SUCLG2: variants seen among roughly 807,000 people sequenced by gnomAD.
The protein encoded by SUCLG2 is succinate-CoA ligase GDP-forming subunit beta.
SUCLG2 carries 42 observed loss-of-function variants against 47.9 expected under a neutral mutation model. That is an observed-to-expected ratio of 0.88 (90% CI 0.69 to 1.14). The LOEUF is 1.14. Ranked by LOEUF, SUCLG2 falls within the 50% of genes most tolerant of loss-of-function variation. The pLI, the probability that SUCLG2 is intolerant of heterozygous loss-of-function variation, is 0.00. For synonymous variants in SUCLG2, 195 were observed against 197.3 expected (o/e 0.99, Z 0.10); for missense variants, 571 against 525.9 (o/e 1.09, Z -0.84).
chr3:67,596,187 G>A (rs1559588555), intron 2 of SUCLG2, among the ~76,000 whole-genome samples: 1 of 152,120 alleles, frequency 6.6e-6, no homozygotes, highest in Non-Finnish European at 1.5e-5. Context: ...GTTGTCTATA[G>A]GATCTATCTC....
At chr3:67,623,759 A>T (rs1700776339) in intron 1 of SUCLG2, among the ~76,000 whole-genome samples, 1 of 152,184 alleles carries the variant, frequency 6.6e-6, no homozygotes, top group Admixed American at 6.5e-5. Flanking sequence ...GTTTTTCAAG[A>T]TCTCTACCTC....
intron 4 of SUCLG2, among the ~76,000 whole-genome samples, chr3:67,526,596 G>T (rs1226571620): frequency 6.6e-6 from 1 of 152,146 alleles, no homozygotes; most frequent in Admixed American, 6.5e-5. Flanking sequence ...CACATGAAAA[G>T]ATGTTCAACA....
chr3:67,520,832 A>G (rs1311016415), intron 4 of SUCLG2, among the ~76,000 whole-genome samples, 198 bp from the exon 5 acceptor site: 3 of 152,142 alleles, frequency 2.0e-5, no homozygotes, highest in Non-Finnish European at 4.4e-5. Flanking sequence ...TTTTGATCCC[A>G]TTAACTTGTT....
intron 9 of SUCLG2, among the ~76,000 whole-genome samples, chr3:67,477,099 C>T (rs182091108): frequency 5.8e-4 from 88 of 152,218 alleles, no homozygotes; most frequent in African/African-American, 1.9e-3. Context: ...CTCCCATATG[C>T]TCAGGGTTAT....
At position 67,495,340 on chromosome 3, in the gene SUCLG2, C is replaced by T. The variant is rs79474207; in HGVS notation, c.1062+458G>A. Among the ~76,000 whole-genome samples, 761 of 152,252 alleles carry T rather than the reference C, an allele frequency of 5.0e-3. 15 individuals are homozygous for T. The East Asian group carries it at 0.069, about 14-fold the overall frequency. ...TTACCCAAAACGAGTTAAATCATCA[C>T]GTATTCCAATGTGATATAAGACAGA... is the stretch of plus-strand genomic sequence containing the variant. On this transcript the variant is annotated intron_variant, in intron 9 of 10. Coordinates refer to ENST00000307227, the MANE Select transcript of SUCLG2 (RefSeq NM_003848.4).
intron 10 of SUCLG2, among the ~76,000 whole-genome samples, chr3:67,388,745 C>T (rs1443905567): frequency 6.6e-6 from 1 of 152,190 alleles, no homozygotes; most frequent in Non-Finnish European, 1.5e-5. Flanking sequence ...TGCTCACTTT[C>T]ATTGGCATAA....
intron 9 of SUCLG2, among the ~76,000 whole-genome samples, chr3:67,425,370 G>A (rs1221529481): frequency 6.6e-6 from 1 of 152,164 alleles, no homozygotes; most frequent in Non-Finnish European, 1.5e-5. Context: ...TGGAAAATGG[G>A]ATATCCGGAT....
intron 2 of SUCLG2, among the ~76,000 whole-genome samples, chr3:67,567,493 G>A (rs1422138991): frequency 1.3e-5 from 2 of 151,846 alleles, no homozygotes; most frequent in Non-Finnish European, 2.9e-5. Context: ...TGTCCAGGCT[G>A]GTCTCAAACT....
At chr3:67,408,782 T>C in intron 9 of SUCLG2, 1 of 1,353,228 alleles carries the variant, frequency 7.4e-7, no homozygotes, top group Non-Finnish European at 9.5e-7. Flanking sequence ...TATTATAACT[T>C]TCCCTGGTAA....
At chr3:67,409,062 T>C in intron 9 of SUCLG2, 2 of 1,531,192 alleles carry the variant, frequency 1.3e-6, no homozygotes, top group Non-Finnish European at 1.7e-6. Flanking sequence ...AGAGGTAAGA[T>C]ATCTTGTATA....
intron 2 of SUCLG2, among the ~76,000 whole-genome samples, chr3:67,576,928 T>TA (rs920388057): frequency 9.9e-5 from 15 of 151,960 alleles, no homozygotes; most frequent in Non-Finnish European, 4.4e-5. Context: ...TATTTTATTT[T>TA]TTTTTACAAA....
chr3:67,379,007 C>T (rs1251942348), intron 10 of SUCLG2, among the ~76,000 whole-genome samples: 6 of 152,092 alleles, frequency 3.9e-5, no homozygotes, highest in Non-Finnish European at 8.8e-5. Flanking sequence ...AGTGCAGTGG[C>T]GTGATCTCAG....
intron 9 of SUCLG2, among the ~76,000 whole-genome samples, chr3:67,487,009 A>G (rs1437761167): frequency 6.6e-6 from 1 of 152,198 alleles, no homozygotes; most frequent in Non-Finnish European, 1.5e-5. Context: ...GCAAATAATG[A>G]TCAACTATAC....
intron 1 of SUCLG2, among the ~76,000 whole-genome samples, chr3:67,645,762 G>A (rs1701178703): frequency 6.6e-6 from 1 of 151,576 alleles, no homozygotes; most frequent in South Asian, 2.1e-4. Flanking sequence ...TAAGCCCTCA[G>A]GCTGGAATGA....
rs992660346 is a variant in SUCLG2, at chr3:67,368,543, T to A, written c.1184-7775A>T. Among the ~76,000 whole-genome samples the A allele has an allele frequency of 5.9e-5, 9 of 152,256 alleles. 1 individual carries two copies. Among genetic ancestry groups the A allele is most frequent in the Admixed American group, 2.6e-4 (4 of 15,296 alleles). ...TTTATTTCCCCCTCTGCATTCATGG[T>A]GAATCATACAATCCACTATTTTATA... On this transcript the variant is annotated intron_variant, in intron 10 of 10. Transcript: ENST00000493112.
At chr3:67,488,665 C>A (rs1312190928) in intron 9 of SUCLG2, among the ~76,000 whole-genome samples, 1 of 152,176 alleles carries the variant, frequency 6.6e-6, no homozygotes, top group East Asian at 1.9e-4. Context: ...TTATTCCCGA[C>A]CATTATTGAT....
At position 67,528,240 on chromosome 3, in the gene SUCLG2, C is replaced by G. The variant is rs62256401; in HGVS notation, c.327-18G>C. On this transcript the variant is annotated intron_variant, in intron 3 of 10. Transcript: ENST00000307227. ...CATTAGGGCTAAGAGAAAGAGAAAA[C>G]AAGCAGAAAATGAATGTTTGTTGAA... The G allele has an allele frequency of 6.2e-7, 1 of 1,607,534 alleles. No homozygotes were observed. The highest frequency in any genetic ancestry group is 8.5e-7 in the Non-Finnish European group (1 of 1,174,414).
At chr3:67,540,705 C>A (rs1706679936) in intron 2 of SUCLG2, among the ~76,000 whole-genome samples, 1 of 152,226 alleles carries the variant, frequency 6.6e-6, no homozygotes, top group Non-Finnish European at 1.5e-5. Flanking sequence ...TGCTAAGGGA[C>A]AGACTGCCTC....
chr3:67,456,422 C>A (rs544454269), intron 9 of SUCLG2, among the ~76,000 whole-genome samples: 1 of 152,286 alleles, frequency 6.6e-6, no homozygotes, highest in South Asian at 2.1e-4. Flanking sequence ...TTTGTCTATT[C>A]AATCCCGGTA....
Sources: allele counts gnomAD v4.1 joint callset (sites outside exome capture counted in the v4.1 genomes callset), GRCh38; gene constraint gnomAD v4.1.1; transcripts MANE v1.5; gene names NCBI Gene and HGNC (gene_info 2026-07-23, HGNC 2026-07-21).